Variants in TTLL11 observed in about 807,000 individuals in gnomAD.
TTLL11 encodes tubulin polyglutamylase TTLL11.
TTLL11 carries 42 observed loss-of-function variants against 51.7 expected under a neutral mutation model. The observed-to-expected ratio is 0.81, with a 90% CI of 0.64 to 1.05. The LOEUF (loss-of-function observed/expected upper bound fraction) is 1.05, where lower values mean the gene tolerates loss of function less well. Ranked by LOEUF, TTLL11 falls within the 50% of genes least tolerant of loss-of-function variation. The probability of loss-of-function intolerance (pLI) is 0.00; values close to 1 mark genes in which losing one functional copy is unlikely to be tolerated. For missense variants in TTLL11, 799 were observed against 940.4 expected, an observed-to-expected ratio of 0.85 and a Z score of 1.97; for synonymous variants, 381 against 383.5, an observed-to-expected ratio of 0.99 and a Z score of 0.08.
intron 3 of TTLL11, among the ~76,000 whole-genome samples, chr9:122,017,651 A>AG: frequency 6.6e-6 from 1 of 151,682 alleles, no homozygotes; most frequent in South Asian, 2.1e-4. Context: ...TTAGTAGAGA[A>AG]GGGGTTTCAC....
At chr9:121,914,977 G>A (rs894817492) in intron 6 of TTLL11, among the ~76,000 whole-genome samples, 5 of 152,154 alleles carry the variant, frequency 3.3e-5, no homozygotes, top group Non-Finnish European at 7.3e-5. Flanking sequence ...GCTCTCCACA[G>A]GGGCTCAAAA....
chr9:121,944,526 A>G (rs1301027150), intron 6 of TTLL11, among the ~76,000 whole-genome samples: 1 of 152,152 alleles, frequency 6.6e-6, no homozygotes. Flanking sequence ...GGAAAAGAAA[A>G]TATTGAGTTC....
chr9:122,018,670 A>G (rs568935010), intron 3 of TTLL11, among the ~76,000 whole-genome samples: 10 of 152,356 alleles, frequency 6.6e-5, no homozygotes, highest in African/African-American at 2.2e-4. Flanking sequence ...AGGGCGCTCC[A>G]GCAAATGACT....
chr9:121,893,639 T>C (rs1328651963), intron 6 of TTLL11, among the ~76,000 whole-genome samples: 2 of 152,120 alleles, frequency 1.3e-5, no homozygotes, highest in Admixed American at 6.5e-5. Flanking sequence ...GAACTGGGGA[T>C]AGTTTAATTA....
Position 121,966,556 on chromosome 9 carries a change from C to T in TTLL11, c.1481+7453G>A, listed in dbSNP as rs1283484676. Among the ~76,000 whole-genome samples the T allele has an allele frequency of 2.0e-5, 3 of 152,144 alleles. No individual in the cohort carries two copies. The East Asian group carries it at 5.8e-4, about 29-fold the overall frequency. On this transcript the variant is annotated intron_variant, in intron 6 of 8. Coordinates refer to ENST00000321582, the MANE Select transcript of TTLL11 (RefSeq NM_001139442.2). Reference sequence around the variant, plus strand: ...TGAGATTGCAATTTATTTACTTCTGCCTCTGACAGAAGTTTTAAAAAGAAA... The same window carrying T: ...TGAGATTGCAATTTATTTACTTCTGTCTCTGACAGAAGTTTTAAAAAGAAA...
chr9:121,960,495 C>T (rs1320729121), intron 6 of TTLL11, among the ~76,000 whole-genome samples: 2 of 152,132 alleles, frequency 1.3e-5, no homozygotes, highest in African/African-American at 4.8e-5. Flanking sequence ...AGGTCTCCCT[C>T]ACTGCCTCCT....
chr9:122,086,522 T>G (rs986979828), intron 1 of TTLL11, among the ~76,000 whole-genome samples: 1 of 152,168 alleles, frequency 6.6e-6, no homozygotes, highest in African/African-American at 2.4e-5. Flanking sequence ...ATATTTCATT[T>G]TATACTCTAC....
chr9:121,960,374 C>T (rs1237179005), intron 6 of TTLL11, among the ~76,000 whole-genome samples: 1 of 152,104 alleles, frequency 6.6e-6, no homozygotes, highest in Non-Finnish European at 1.5e-5. Flanking sequence ...CAGCTTAGAG[C>T]TTTTATAAAT....
chr9:122,045,866 T>G (rs1844987564), intron 1 of TTLL11, among the ~76,000 whole-genome samples: 3 of 152,042 alleles, frequency 2.0e-5, no homozygotes, highest in Non-Finnish European at 4.4e-5. Context: ...AGGCAGAAAG[T>G]AGGATGGTGG....
At chr9:122,041,862 A>T (rs1455385428) in intron 1 of TTLL11, among the ~76,000 whole-genome samples, 1 of 152,116 alleles carries the variant, frequency 6.6e-6, no homozygotes, top group Non-Finnish European at 1.5e-5. Flanking sequence ...AATGGTCTAC[A>T]GATGCAATGC....
intron 1 of TTLL11, among the ~76,000 whole-genome samples, chr9:122,040,064 A>G (rs1301850662): frequency 6.6e-6 from 1 of 152,178 alleles, no homozygotes; most frequent in Non-Finnish European, 1.5e-5. Context: ...GAATCTGGAA[A>G]TCAGAGATGC....
chr9:121,941,947 A>C (rs1358726351), intron 6 of TTLL11, among the ~76,000 whole-genome samples: 1 of 151,504 alleles, frequency 6.6e-6, no homozygotes, highest in African/African-American at 2.4e-5. Flanking sequence ...CTCTTTCCCC[A>C]CTGCTGCAGA....
chr9:122,090,696 G>A (rs537607643), intron 1 of TTLL11, among the ~76,000 whole-genome samples: 4 of 152,158 alleles, frequency 2.6e-5, no homozygotes, highest in African/African-American at 7.2e-5. Flanking sequence ...AAGTACCTGC[G>A]GGTACAGCAA....
chr9:121,833,503 T>A (rs1837089752), intron 8 of TTLL11, among the ~76,000 whole-genome samples: 1 of 152,210 alleles, frequency 6.6e-6, no homozygotes, highest in Non-Finnish European at 1.5e-5. Flanking sequence ...TACGTCTGCA[T>A]AGCACTTTCC....
intron 6 of TTLL11, among the ~76,000 whole-genome samples, chr9:121,950,534 A>G (rs148735729): frequency 1.3e-5 from 2 of 152,314 alleles, no homozygotes; most frequent in African/African-American, 4.8e-5. Flanking sequence ...TGACCAGAAC[A>G]AGGTAGAGTC....
chr9:121,904,762 C>T (rs540048342), intron 6 of TTLL11, among the ~76,000 whole-genome samples: 3 of 152,336 alleles, frequency 2.0e-5, no homozygotes, highest in East Asian at 1.9e-4. Flanking sequence ...GATCCCTGCC[C>T]GTTTGACTGG....
intron 1 of TTLL11, among the ~76,000 whole-genome samples, chr9:122,053,414 A>C (rs10115523): frequency 0.42 from 64,293 of 151,422 alleles, 15,370 homozygotes; most frequent in African/African-American, 0.65. Context: ...GCCTGGGGGA[A>C]AGGGGAACAG....
At chr9:121,861,734 C>T (rs147671750) in intron 7 of TTLL11, among the ~76,000 whole-genome samples, 48 of 152,290 alleles carry the variant, frequency 3.2e-4, no homozygotes, top group African/African-American at 9.4e-4. Flanking sequence ...GTCAACAGTA[C>T]AGGCTGAAGC....
At chr9:121,903,011 T>A (rs980609502) in intron 6 of TTLL11, among the ~76,000 whole-genome samples, 1 of 152,106 alleles carries the variant, frequency 6.6e-6, no homozygotes, top group African/African-American at 2.4e-5. Flanking sequence ...TTGGGGGCTT[T>A]CCTATGACTA....
Sources: allele counts gnomAD v4.1 joint callset (sites outside exome capture counted in the v4.1 genomes callset), GRCh38; gene constraint gnomAD v4.1.1; transcripts MANE v1.5; gene names NCBI Gene and HGNC (gene_info 2026-07-23, HGNC 2026-07-21).